Variants in SMYD2 observed in about 807,000 individuals in gnomAD.
SMYD2 encodes SET and MYND domain containing 2, also known as N-lysine methyltransferase SMYD2.
SMYD2 carries 53 observed loss-of-function variants against 59.1 expected under a neutral mutation model. The observed-to-expected ratio is 0.90, with a 90% CI of 0.72 to 1.13. The LOEUF (loss-of-function observed/expected upper bound fraction) is 1.13, where lower values mean the gene tolerates loss of function less well. Ranked by LOEUF, SMYD2 falls within the 50% of genes most tolerant of loss-of-function variation. SMYD2 has a pLI of 0.00. For synonymous variants in SMYD2, 208 were observed against 198.8 expected, an observed-to-expected ratio of 1.05 and a Z score of -0.39; for missense variants, 494 against 544.7, an observed-to-expected ratio of 0.91 and a Z score of 0.93.
At chr1:214,289,307 G>A (rs571117458) in intron 1 of SMYD2, among the ~76,000 whole-genome samples, 51 of 152,190 alleles carry the variant, frequency 3.4e-4, no homozygotes, top group African/African-American at 1.2e-3. Flanking sequence ...TTTGAACTTA[G>A]GTTAATATTC....
At chr1:214,324,308 G>T (rs779182388) in intron 5 of SMYD2, among the ~76,000 whole-genome samples, 6 of 152,158 alleles carry the variant, frequency 3.9e-5, no homozygotes, top group Admixed American at 1.3e-4. Context: ...AGCTGTAGCA[G>T]AATTGAGATT....
At chr1:214,282,835 G>A (rs553930962) in intron 1 of SMYD2, among the ~76,000 whole-genome samples, 2 of 152,282 alleles carry the variant, frequency 1.3e-5, no homozygotes, top group African/African-American at 2.4e-5. Flanking sequence ...ACGTTTGAGT[G>A]AAGTGAGCAT....
At chr1:214,286,980 C>T (rs1367024570) in intron 1 of SMYD2, among the ~76,000 whole-genome samples, 1 of 151,722 alleles carries the variant, frequency 6.6e-6, no homozygotes, top group Non-Finnish European at 1.5e-5. Context: ...AGGCATGCAC[C>T]ACCATGCCTG....
At chr1:214,281,513 G>C in intron 1 of SMYD2, 86 bp downstream of exon 1, 1 of 979,592 alleles carries the variant, frequency 1.0e-6, no homozygotes, top group Non-Finnish European at 1.2e-6. Context: ...AGTGCGTGCG[G>C]CTCGCGGGGT....
Position 214,281,432 on chromosome 1 carries a change from G to A in SMYD2, c.173+5G>A, listed in dbSNP as rs1279551577. ...CTGCGAGTACTGCTTCACCAGGTAG[G>A]GCGGCGGCGGCGGCGGCGGCGGGCG... On this transcript the variant is annotated splice_donor_5th_base_variant and intron_variant, in intron 1 of 11. Transcript: ENST00000366957. 28 of 1,268,736 alleles carry A rather than the reference G, an allele frequency of 2.2e-5. No homozygotes were observed. In the East Asian group the frequency reaches 9.7e-4, roughly 44 times the overall value. 78.6% of individuals were successfully genotyped at this position (1,268,736 alleles called of 1,614,324 possible).
At chr1:214,294,876 T>C (rs1656697420) in intron 1 of SMYD2, among the ~76,000 whole-genome samples, 1 of 152,068 alleles carries the variant, frequency 6.6e-6, no homozygotes, top group South Asian at 2.1e-4. Flanking sequence ...CTGTTAGGAG[T>C]ATTTTAAGTT....
At chr1:214,319,122 C>G in intron 5 of SMYD2, 139 bp downstream of exon 5, 1 of 1,141,866 alleles carries the variant, frequency 8.8e-7, no homozygotes, top group Non-Finnish European at 1.2e-6. Flanking sequence ...CCAATTGGAC[C>G]GTGTGTTGCC....
At chr1:214,295,063 A>G (rs541726535) in intron 1 of SMYD2, among the ~76,000 whole-genome samples, 46 of 152,328 alleles carry the variant, frequency 3.0e-4, no homozygotes, top group African/African-American at 1.1e-3. Flanking sequence ...TTTTATTGTC[A>G]GTTCCTTTAT....
chr1:214,305,398 C>T, intron 2 of SMYD2, 148 bp downstream of exon 2: 1 of 761,518 alleles, frequency 1.3e-6, no homozygotes, highest in Non-Finnish European at 2.2e-6. Flanking sequence ...TGACCCCGAC[C>T]TCACAGGCGG....
rs1040682171 is a variant in SMYD2, at chr1:214,333,760, C to T, written c.1113-440C>T. ...GTGACAGAAAGCTGGGGTCTTAAGACACATTGGGGTGGGTGGGGGTTGGGT... is the reference window on the plus strand; with the variant it reads ...GTGACAGAAAGCTGGGGTCTTAAGATACATTGGGGTGGGTGGGGGTTGGGT... On this transcript the variant is annotated intron_variant, in intron 10 of 11. Transcript: ENST00000366957. 1.7e-4 allele frequency: 23 copies of T among 135,534 alleles called. 1 individual carries two copies. Among genetic ancestry groups the T allele is most frequent in the African/African-American group, 6.7e-4 (23 of 34,386 alleles). The allele number at this position is 135,534 out of a possible 1,614,324, so 8.4% of individuals were successfully genotyped here.
intron 1 of SMYD2, among the ~76,000 whole-genome samples, chr1:214,304,568 A>AAAAAG (rs1656886158): frequency 6.6e-6 from 1 of 150,840 alleles, no homozygotes; most frequent in African/African-American, 2.4e-5. Context: ...CAAAAAAAAA[A>AAAAAG]AAAAAAAAAA....
intron 1 of SMYD2, among the ~76,000 whole-genome samples, chr1:214,303,353 G>A (rs771712658): frequency 1.3e-5 from 2 of 152,090 alleles, no homozygotes; most frequent in Non-Finnish European, 2.9e-5. Flanking sequence ...TCACTTCACC[G>A]TGATTTTTTA....
At chr1:214,329,594 C>T (rs367721765) in intron 7 of SMYD2, among the ~76,000 whole-genome samples, 9 of 152,280 alleles carry the variant, frequency 5.9e-5, no homozygotes, top group Admixed American at 1.3e-4. Flanking sequence ...TGGGCCAGGC[C>T]GCAGCATTCT....
intron 11 of SMYD2, among the ~76,000 whole-genome samples, chr1:214,336,349 A>G (rs956122750): frequency 1.3e-5 from 2 of 152,132 alleles, no homozygotes; most frequent in Non-Finnish European, 1.5e-5. Flanking sequence ...TGGCTAACAC[A>G]GTGAAACCCC....
chr1:214,315,416 G>A (rs1320905526), intron 3 of SMYD2, among the ~76,000 whole-genome samples: 3 of 151,542 alleles, frequency 2.0e-5, no homozygotes, highest in African/African-American at 4.8e-5. Flanking sequence ...GAGGGGAAGA[G>A]AGTTAAAAAA....
At position 214,331,101 on chromosome 1, in the gene SMYD2, T is replaced by C. The variant is rs193082903; in HGVS notation, c.937+31T>C. On this transcript the variant is annotated intron_variant, in intron 9 of 11. Transcript: ENST00000366957. ...CTTTACAACTGCCCTGATAGCTTAT[T>C]ATCCCTCGCCAACAAGGCAAGGTGG... 290 of 1,608,208 alleles carry C rather than the reference T, an allele frequency of 1.8e-4. 1 individual carries two copies. The African/African-American group carries it at 3.5e-3, about 19-fold the overall frequency.
intron 1 of SMYD2, among the ~76,000 whole-genome samples, chr1:214,284,315 C>T (rs1276579023): frequency 8.4e-6 from 1 of 118,386 alleles, no homozygotes; most frequent in Admixed American, 1.1e-4. Flanking sequence ...GGCTGGAGTG[C>T]AGTGGCGTGA....
chr1:214,325,997 T>C (rs947059452), intron 6 of SMYD2, among the ~76,000 whole-genome samples: 6 of 151,936 alleles, frequency 3.9e-5, no homozygotes, highest in Admixed American at 3.3e-4. Context: ...CCCAGCACTT[T>C]GGGAGGCCGA....
At chr1:214,314,636 C>T (rs866464216) in intron 2 of SMYD2, 126 bp from the exon 3 acceptor site, 8 of 662,014 alleles carry the variant, frequency 1.2e-5, no homozygotes, top group Admixed American at 2.8e-5. Flanking sequence ...TGAGCATCCT[C>T]GTGTTTTCCA....
Sources: allele counts gnomAD v4.1 joint callset (sites outside exome capture counted in the v4.1 genomes callset), GRCh38; gene constraint gnomAD v4.1.1; transcripts MANE v1.5; gene names NCBI Gene and HGNC (gene_info 2026-07-23, HGNC 2026-07-21).